Variants in ARHGAP18 observed in about 807,000 individuals in gnomAD.
ARHGAP18 encodes the protein Rho GTPase activating protein 18.
A neutral mutation model predicts 86.2 loss-of-function variants in ARHGAP18; 67 were observed. The ratio of observed to expected loss-of-function variants is 0.78; its 90% CI spans 0.64 to 0.95. ARHGAP18 has a LOEUF of 0.95. Among genes scored for constraint, ARHGAP18 ranks in the 40% least tolerant of loss-of-function variants. The pLI, the probability that ARHGAP18 is intolerant of heterozygous loss-of-function variation, is 0.00. For missense variants in ARHGAP18, 691 were observed against 780.4 expected (o/e 0.89, Z 1.37); for synonymous variants, 283 against 280.4 (o/e 1.01, Z -0.09).
chr6:129,697,287 A>T (rs546239720), intron 1 of ARHGAP18, among the ~76,000 whole-genome samples: 5 of 152,322 alleles, frequency 3.3e-5, no homozygotes, highest in African/African-American at 1.2e-4. Context: ...CTTGATTGTG[A>T]TCCTCCAGAA....
chr6:129,602,745 C>T lies in ARHGAP18; in HGVS notation c.1366-1897G>A, dbSNP rs146942657. ...TTGGAAAAAATATTTAATTTTGTTCCACAGAGACCAGAATAATTGTTCAGG... is the reference window on the plus strand; with the variant it reads ...TTGGAAAAAATATTTAATTTTGTTCTACAGAGACCAGAATAATTGTTCAGG... On this transcript the variant is annotated intron_variant, in intron 10 of 14. Transcript: ENST00000368149. Among the ~76,000 whole-genome samples, 748 of 151,968 alleles carry T rather than the reference C, an allele frequency of 4.9e-3. 13 individuals carry two copies. The highest frequency in any genetic ancestry group is 0.017 in the African/African-American group (699 of 41,458).
chr6:129,660,616 T>C (rs2114518608), intron 1 of ARHGAP18, among the ~76,000 whole-genome samples: 1 of 152,282 alleles, frequency 6.6e-6, no homozygotes, highest in Middle Eastern at 3.4e-3. Context: ...GCACCAGGCA[T>C]CAAGCTTGCC....
chr6:129,675,490 G>A (rs1180119487), intron 1 of ARHGAP18, among the ~76,000 whole-genome samples: 2 of 152,032 alleles, frequency 1.3e-5, no homozygotes, highest in Non-Finnish European at 2.9e-5. Flanking sequence ...TCTGCAAGGT[G>A]TGGGCGGGTG....
chr6:129,577,871 C>T lies in ARHGAP18; in HGVS notation c.*642G>A, dbSNP rs189523254. 1.3e-5 allele frequency: 2 copies of T among 151,868 alleles called. No individual in the cohort carries two copies. The highest frequency in any genetic ancestry group is 2.9e-5 in the Non-Finnish European group (2 of 67,936). 9.4% of individuals were successfully genotyped at this position (151,868 alleles called of 1,614,324 possible). A position where few individuals can be genotyped will look rare whatever the true frequency, so the allele number is the denominator to read the frequency against. ...CTTCTGACAGTCCTATTTTCTTGGT[C>T]GCTGATACGGTTCTGTGAACATAAG... On this transcript the variant is annotated 3_prime_UTR_variant, in exon 15 of 15. Transcript: ENST00000368149.
At chr6:129,580,382 T>G (rs1375192827) in intron 13 of ARHGAP18, among the ~76,000 whole-genome samples, 1 of 152,232 alleles carries the variant, frequency 6.6e-6, no homozygotes, top group East Asian at 1.9e-4. Flanking sequence ...TATCTAAATT[T>G]GTAAAATTCA....
intron 7 of ARHGAP18, among the ~76,000 whole-genome samples, chr6:129,614,298 T>C (rs1253850267): frequency 2.0e-4 from 30 of 152,228 alleles, no homozygotes. Context: ...AATTGAGTTG[T>C]CAGCTGATAA....
chr6:129,655,254 G>A (rs1244950974), intron 1 of ARHGAP18, among the ~76,000 whole-genome samples: 2 of 149,438 alleles, frequency 1.3e-5, no homozygotes, highest in African/African-American at 5.0e-5. Flanking sequence ...GGGAGATGGA[G>A]GTTGCGGTGA....
chr6:129,635,670 T>C (rs1014108984), intron 3 of ARHGAP18, among the ~76,000 whole-genome samples: 6 of 152,190 alleles, frequency 3.9e-5, no homozygotes, highest in African/African-American at 1.4e-4. Flanking sequence ...GCATTTAACA[T>C]GGAAGAGCTG....
At chr6:129,647,179 T>C (rs1773597944) in intron 1 of ARHGAP18, among the ~76,000 whole-genome samples, 2 of 152,316 alleles carry the variant, frequency 1.3e-5, no homozygotes, top group South Asian at 4.1e-4. Flanking sequence ...AATCATTTGC[T>C]GGTGTCCATT....
At chr6:129,701,630 C>T (rs950172560) in intron 1 of ARHGAP18, among the ~76,000 whole-genome samples, 1 of 151,986 alleles carries the variant, frequency 6.6e-6, no homozygotes, top group Non-Finnish European at 1.5e-5. Context: ...ATTAGCCAGG[C>T]GTAGTGGCAG....
rs569192057 is a variant in ARHGAP18, at chr6:129,597,963, TA to T, written c.1713+1252del. On this transcript the variant is annotated intron_variant, in intron 12 of 14. Coordinates refer to ENST00000368149, the MANE Select transcript of ARHGAP18 (RefSeq NM_033515.3). ...CAAAAAGTAAACGTTTCAGTTTTTC[TA>T]AATATTATTTAAAAGGTACACCCCA... 5.3e-5 allele frequency among the ~76,000 whole-genome samples: 8 copies of T among 152,308 alleles called. No homozygotes were observed. In the South Asian group the frequency reaches 1.7e-3, roughly 32 times the overall value.
intron 12 of ARHGAP18, among the ~76,000 whole-genome samples, chr6:129,588,898 T>G (rs1291944117): frequency 6.6e-6 from 1 of 152,246 alleles, no homozygotes; most frequent in Non-Finnish European, 1.5e-5. Flanking sequence ...CTTGCCAGGC[T>G]TGGGGTTTGC....
At chr6:129,631,388 A>C (rs1773202803) in intron 4 of ARHGAP18, among the ~76,000 whole-genome samples, 1 of 144,608 alleles carries the variant, frequency 6.9e-6, no homozygotes, top group Non-Finnish European at 1.6e-5. Flanking sequence ...CTTCAAAAGC[A>C]ATGCAAAAAA....
At chr6:129,598,733 TTA>T (rs1788670210) in intron 12 of ARHGAP18, 2 of 152,172 alleles carry the variant, frequency 1.3e-5, no homozygotes, top group East Asian at 1.9e-4. Context: ...CAAATACTTA[TTA>T]AAGTCCAGGA....
chr6:129,649,904 CTTTTTTTTTGTTTT>C (rs1333014347), intron 1 of ARHGAP18, among the ~76,000 whole-genome samples: 1 of 115,640 alleles, frequency 8.6e-6, no homozygotes, highest in Admixed American at 8.8e-5. Flanking sequence ...ACTTCGTCTT[CTTTTTTTTTGTTTT>C]TTTTTTTTTT....
At chr6:129,591,828 T>C (rs1471335757) in intron 12 of ARHGAP18, among the ~76,000 whole-genome samples, 5 of 152,188 alleles carry the variant, frequency 3.3e-5, no homozygotes, top group Non-Finnish European at 7.4e-5. Flanking sequence ...ATATAACACA[T>C]ATTTTAGAAA....
chr6:129,618,524 T>C (rs553927646), intron 6 of ARHGAP18, among the ~76,000 whole-genome samples, 163 bp downstream of exon 6: 1 of 152,350 alleles, frequency 6.6e-6, no homozygotes, highest in African/African-American at 2.4e-5. Flanking sequence ...TCTATCGTTA[T>C]AAAACTTTTG....
At chr6:129,683,142 G>A (rs1410125794) in intron 1 of ARHGAP18, among the ~76,000 whole-genome samples, 1 of 151,480 alleles carries the variant, frequency 6.6e-6, no homozygotes, top group Non-Finnish European at 1.5e-5. Context: ...CGTGATCTCG[G>A]CTCACTGCAA....
In ARHGAP18 at chr6:129,584,057, G is replaced by A. The variant is rs780919086; in HGVS notation, c.1769C>T (p.Ser590Phe). ...TTCTTCAGTTAGCTGTATTGCCATG[G>A]AAACTTTCGAAAGATGGGGAGCTTG... ...RVQAPHLSKV[S>F]MAIQLTEELK... The change falls in exon 13 of 15, where the codon TCC becomes TTC. Residue 590 changes from serine (S) to phenylalanine (F), a missense_variant. Coordinates refer to ENST00000368149, the MANE Select transcript of ARHGAP18 (RefSeq NM_033515.3). The A allele has an allele frequency of 5.0e-6, 8 of 1,613,780 alleles. No homozygotes were observed. The highest frequency in any genetic ancestry group is 1.7e-4 in the Middle Eastern group (1 of 6,056).
Sources: allele counts gnomAD v4.1 joint callset (sites outside exome capture counted in the v4.1 genomes callset), GRCh38; gene constraint gnomAD v4.1.1; transcripts MANE v1.5; gene names NCBI Gene and HGNC (gene_info 2026-07-23, HGNC 2026-07-21).